The following UGT2B4 variants were observed in gnomAD, a reference collection of about 807,000 sequenced individuals.
The protein encoded by UGT2B4 is UDP-glucuronosyltransferase 2B4.
A neutral mutation model predicts 49.8 loss-of-function variants in UGT2B4; 49 were observed. The ratio of observed to expected loss-of-function variants is 0.98; its 90% CI spans 0.78 to 1.25. The LOEUF is 1.25. Among genes scored for constraint, UGT2B4 ranks in the 50% most tolerant of loss-of-function variants. The pLI is 0.00. For synonymous variants in UGT2B4, 246 were observed against 217.7 expected, an observed-to-expected ratio of 1.13 and a Z score of -1.14; for missense variants, 729 against 627.7, an observed-to-expected ratio of 1.16 and a Z score of -1.73.
Position 69,480,354 on chromosome 4 carries a change from T to C in UGT2B4, c.*280A>G, listed in dbSNP as rs572237033. The stretch of plus-strand genomic sequence containing the variant: ...TTAGTAAATTTTTTTTCATGTAACC[T>C]GTGAATTGGAACAATAAATTTCAAT... On this transcript the variant is annotated 3_prime_UTR_variant, in exon 6 of 6. Transcript: ENST00000305107. 9.5e-4 allele frequency: 307 copies of C among 322,576 alleles called. 2 individuals carry two copies. Among genetic ancestry groups the C allele is most frequent in the African/African-American group, 6.1e-3 (288 of 47,088 alleles). The allele number at this position is 322,576 out of a possible 1,614,324, so 20.0% of individuals were successfully genotyped here.
rs533443311 is a variant in UGT2B4, at chr4:69,521,854, T to C, written c.-106+3833A>G. Among the ~76,000 whole-genome samples, 74 of 152,354 alleles carry C rather than the reference T, an allele frequency of 4.9e-4. 1 individual carries two copies. The highest frequency in any genetic ancestry group is 9.6e-4 in the Non-Finnish European group (65 of 68,028). On this transcript the variant is annotated intron_variant, in intron 1 of 1. Coordinates refer to the UGT2B4 transcript ENST00000510114. ...TAAATTCTATAAAGCAGGAATTTTCTCAATTATAAGCAGAATATAACAATT... is the reference window on the plus strand; with the variant it reads ...TAAATTCTATAAAGCAGGAATTTTCCCAATTATAAGCAGAATATAACAATT...
intron 2 of UGT2B4, among the ~76,000 whole-genome samples, chr4:69,490,440 C>A (rs1237289534): frequency 6.6e-6 from 1 of 152,036 alleles, no homozygotes; most frequent in Non-Finnish European, 1.5e-5. Context: ...CACCAGAATG[C>A]GAGAGACTGC....
intron 1 of UGT2B4, among the ~76,000 whole-genome samples, chr4:69,509,777 A>G (rs1444320396): frequency 6.6e-6 from 1 of 151,926 alleles, no homozygotes; most frequent in Admixed American, 6.6e-5. Context: ...ACATATCTTG[A>G]CAGTATGTCT....
rs767571954 is a variant in UGT2B4, at chr4:69,495,331, G to T, written c.531C>A (p.Gly177=). The T allele has an allele frequency of 3.1e-6, 5 of 1,613,108 alleles. No homozygotes were observed. The highest frequency in any genetic ancestry group is 4.2e-6 in the Non-Finnish European group (5 of 1,179,722). ...CTCCACTATGCTTTTCAATTGCGTA[G>T]CCAGGAGAGAAGCGGAGGCTGTAGA... ...PFVYSLRFSP[G]YAIEKHSGGL... is the part of the protein sequence containing the mutation. Residue 177 remains glycine, a synonymous_variant, in exon 1 of 6, where the codon GGC becomes GGA. Transcript: ENST00000305107.
At chr4:69,490,542 C>T (rs1316993887) in intron 2 of UGT2B4, among the ~76,000 whole-genome samples, 1 of 152,140 alleles carries the variant, frequency 6.6e-6, no homozygotes, top group African/African-American at 2.4e-5. Context: ...CTGGAATTTA[C>T]TGGGAATCAT....
intron 5 of UGT2B4, among the ~76,000 whole-genome samples, chr4:69,481,428 A>G (rs761139810): frequency 2.6e-5 from 4 of 152,224 alleles, no homozygotes; most frequent in Non-Finnish European, 4.4e-5. Flanking sequence ...TTGGAATTTC[A>G]TAATTGACAA....
At chr4:69,523,240 C>G (rs11249444) in intron 1 of UGT2B4, among the ~76,000 whole-genome samples, 53,479 of 151,712 alleles carry the variant, frequency 0.35, 9,523 homozygotes, top group Non-Finnish European at 0.37. Context: ...CTTTACAGAA[C>G]GTTTTCAATT....
chr4:69,525,263 A>G (rs10011506), intron 1 of UGT2B4, among the ~76,000 whole-genome samples: 144,974 of 152,202 alleles, frequency 0.95, 69,454 homozygotes, highest in East Asian at 1. Flanking sequence ...ATATTAGTAG[A>G]CTAAGTATGA....
intron 1 of UGT2B4, among the ~76,000 whole-genome samples, chr4:69,524,731 G>A (rs35449147): frequency 0.35 from 53,264 of 151,078 alleles, 9,526 homozygotes; most frequent in Non-Finnish European, 0.37. Context: ...TGCAAAGCAT[G>A]ATAAAACAAA....
intron 1 of UGT2B4, among the ~76,000 whole-genome samples, chr4:69,503,791 G>T (rs541385309): frequency 1.3e-5 from 2 of 152,164 alleles, no homozygotes; most frequent in Admixed American, 6.5e-5. Context: ...TTCAGCCTTC[G>T]TGATGAGCAA....
At chr4:69,522,983 A>G (rs535404628) in intron 1 of UGT2B4, among the ~76,000 whole-genome samples, 9 of 152,238 alleles carry the variant, frequency 5.9e-5, no homozygotes, top group African/African-American at 1.9e-4. Flanking sequence ...GCAAATTCTC[A>G]TCAATTCAAG....
upstream of UGT2B4, among the ~76,000 whole-genome samples, chr4:69,500,619 A>AAGC (rs1560438356): frequency 7.9e-6 from 1 of 126,554 alleles, no homozygotes; most frequent in Non-Finnish European, 1.8e-5. Flanking sequence ...GAAAGAAAGA[A>AAGC]AGAAAGAAAG....
chr4:69,518,199 C>A (rs1272169971), intron 1 of UGT2B4: 1 of 154,504 alleles, frequency 6.5e-6, no homozygotes, highest in African/African-American at 2.4e-5. Flanking sequence ...CAGAAGGCTT[C>A]CCATAGTCAA....
chr4:69,485,876 T>G (rs1367771006), intron 4 of UGT2B4, among the ~76,000 whole-genome samples: 1 of 152,160 alleles, frequency 6.6e-6, no homozygotes, highest in Non-Finnish European at 1.5e-5. Flanking sequence ...GTTCTCCTAC[T>G]CAGCCTTCTG....
At chr4:69,481,179 G>A (rs1727581217) in intron 5 of UGT2B4, among the ~76,000 whole-genome samples, 1 of 150,916 alleles carries the variant, frequency 6.6e-6, no homozygotes, top group Non-Finnish European at 1.5e-5. Context: ...TGAGGCAGGA[G>A]AATCGCTTGA....
At chr4:69,483,668 C>A (rs1377554568) in intron 5 of UGT2B4, among the ~76,000 whole-genome samples, 1 of 151,542 alleles carries the variant, frequency 6.6e-6, no homozygotes, top group Non-Finnish European at 1.5e-5. Flanking sequence ...TAAAGTATTC[C>A]TTTAGGTGAA....
chr4:69,508,695 G>T (rs1484051915), intron 1 of UGT2B4, among the ~76,000 whole-genome samples: 2 of 152,078 alleles, frequency 1.3e-5, no homozygotes, highest in Non-Finnish European at 2.9e-5. Flanking sequence ...AGACACTAGG[G>T]TCTATTTGAG....
chr4:69,521,685 G>A (rs1486695958), intron 1 of UGT2B4, among the ~76,000 whole-genome samples: 3 of 152,198 alleles, frequency 2.0e-5, no homozygotes. Flanking sequence ...TGGGTAGAAT[G>A]AGTCCAGCAG....
At chr4:69,502,093 C>CTTTCTTTCTTTCT (rs1728336728) in intron 1 of UGT2B4, among the ~76,000 whole-genome samples, 2 of 79,688 alleles carry the variant, frequency 2.5e-5, no homozygotes, top group Admixed American at 2.4e-4. Context: ...CTTTCTCTCT[C>CTTTCTTTCTTTCT]TTTCTTTCTT....
Sources: gnomAD v4.1 joint callset for allele counts (sites outside exome capture counted in the v4.1 genomes callset) on GRCh38, gnomAD v4.1.1 for gene constraint, MANE v1.5 for transcripts, NCBI Gene and HGNC (gene_info 2026-07-23, HGNC 2026-07-21) for gene names.